The following ANKRD46 variants were observed in gnomAD, a reference collection of about 807,000 sequenced individuals.
The protein encoded by ANKRD46 is ankyrin repeat domain 46.
A neutral mutation model predicts 19.8 loss-of-function variants in ANKRD46; 13 were observed. The ratio of observed to expected loss-of-function variants is 0.66; its 90% CI spans 0.43 to 1.04. The LOEUF (loss-of-function observed/expected upper bound fraction) is 1.04, where lower values mean the gene tolerates loss of function less well. Ranked by LOEUF, ANKRD46 falls within the 50% of genes least tolerant of loss-of-function variation. The pLI, the probability that ANKRD46 is intolerant of heterozygous loss-of-function variation, is 0.00. For missense variants in ANKRD46, 185 were observed against 274.8 expected, an observed-to-expected ratio of 0.67 and a Z score of 2.31; for synonymous variants, 91 against 106.9, an observed-to-expected ratio of 0.85 and a Z score of 0.92.
At chr8:100,520,313 T>C (rs1811699967), downstream of ANKRD46, among the ~76,000 whole-genome samples, 1 of 152,124 alleles carries the variant, frequency 6.6e-6, no homozygotes, top group African/African-American at 2.4e-5. Context: ...TGGATAAATA[T>C]GGTTCCATTT....
At position 100,557,774 on chromosome 8, in the gene ANKRD46, C is replaced by T. The variant is rs1220050177; in HGVS notation, c.-131+1937G>A. 6.6e-6 allele frequency among the ~76,000 whole-genome samples: 1 copy of T among 152,216 alleles called. No homozygotes were observed. The highest frequency in any genetic ancestry group is 2.4e-5 in the African/African-American group (1 of 41,460). ...TTGCTTGGTATGCTCTTTCCCTAGA[C>T]AGCTGCATGGCGGTCCCCAACGCCT... On this transcript the variant is annotated intron_variant, in intron 1 of 4. Transcript: ENST00000335659. This position sits in a 1 kb window ranked among gnomAD's most constrained non-coding sequence, Gnocchi z 5.9.
rs896015562 is a variant in ANKRD46, at chr8:100,522,451, T to C, written c.*104A>G. 1.3e-6 allele frequency: 2 copies of C among 1,506,956 alleles called. No individual in the cohort carries two copies. The highest frequency in any genetic ancestry group is 4.4e-5 in the Admixed American group (2 of 44,958). 93.3% of individuals were successfully genotyped at this position (1,506,956 alleles called of 1,614,324 possible). Reference sequence around the variant, plus strand: ...TAATTAAAAATGCAAAAAGAACATGTACTGCCCTCACTGCTTTGCGCTAAG... The same window carrying C: ...TAATTAAAAATGCAAAAAGAACATGCACTGCCCTCACTGCTTTGCGCTAAG... On this transcript the variant is annotated 3_prime_UTR_variant, in exon 5 of 5. Transcript: ENST00000335659.
chr8:100,519,784 G>A (rs75917874), downstream of ANKRD46, among the ~76,000 whole-genome samples: 1 of 152,302 alleles, frequency 6.6e-6, no homozygotes, highest in South Asian at 2.1e-4. Flanking sequence ...TGTATAGTTC[G>A]TTCATGAAGC....
intron 1 of ANKRD46, among the ~76,000 whole-genome samples, chr8:100,552,084 A>G (rs538874518): frequency 7.0e-6 from 1 of 142,568 alleles, no homozygotes; most frequent in Non-Finnish European, 1.5e-5. Context: ...TGGGAGGTGG[A>G]GGTTGCAGTG....
rs1586790211 is a variant in ANKRD46 at position 100,534,956 on chromosome 8, G to A, written c.-130-1645C>T. ...TAATTTTTGTATTTTTAGTGGAGATGAGGTTTCACCATGTTGGCTAGGCAG... is the reference window on the plus strand; with the variant it reads ...TAATTTTTGTATTTTTAGTGGAGATAAGGTTTCACCATGTTGGCTAGGCAG... On this transcript the variant is annotated intron_variant, in intron 1 of 4. Coordinates refer to ENST00000335659, the MANE Select transcript of ANKRD46 (RefSeq NM_001270377.2). This position sits in a 1 kb window ranked among gnomAD's most constrained non-coding sequence, Gnocchi z 4.2. 6.6e-6 allele frequency among the ~76,000 whole-genome samples: 1 copy of A among 152,156 alleles called. No homozygotes were observed. Among genetic ancestry groups the A allele is most frequent in the Non-Finnish European group, 1.5e-5 (1 of 68,020 alleles).
At chr8:100,515,954 C>T (rs552860135), downstream of ANKRD46, among the ~76,000 whole-genome samples, 36 of 152,106 alleles carry the variant, frequency 2.4e-4, no homozygotes, top group Admixed American at 1.2e-3. Context: ...TCACTGCAAC[C>T]TCCACCTCCC....
In ANKRD46 at chr8:100,522,354, T is replaced by G; in HGVS notation, c.*201A>C. On this transcript the variant is annotated 3_prime_UTR_variant, in exon 5 of 5. Transcript: ENST00000335659. ...AGTCAGGTTGAGTCAGAGGTAGCGT[T>G]AGGATGCAATATACTTGATCATAGT... is the stretch of plus-strand genomic sequence containing the variant. The G allele has an allele frequency of 6.5e-6, 9 of 1,394,974 alleles. No homozygotes were observed. Among genetic ancestry groups the G allele is most frequent in the Non-Finnish European group, 8.4e-6 (9 of 1,076,002 alleles). 86.4% of individuals were successfully genotyped at this position (1,394,974 alleles called of 1,614,324 possible). A position where few individuals can be genotyped will look rare whatever the true frequency, so the allele number is the denominator to read the frequency against.
intron 1 of ANKRD46, among the ~76,000 whole-genome samples, chr8:100,533,562 G>A (rs1812005489): frequency 6.6e-6 from 1 of 152,110 alleles, no homozygotes; most frequent in Non-Finnish European, 1.5e-5. Flanking sequence ...AAAAGAATAA[G>A]AATCAAATTA....
At position 100,529,018 on chromosome 8, in the gene ANKRD46, A is replaced by G. The variant is rs1811902371; in HGVS notation, c.311+505T>C. On this transcript the variant is annotated intron_variant, in intron 3 of 4. Coordinates refer to ENST00000335659, the MANE Select transcript of ANKRD46 (RefSeq NM_001270377.2). The surrounding 1 kb of genome is among the most constrained non-coding windows in gnomAD (Gnocchi z 5.8). The stretch of plus-strand genomic sequence containing the variant: ...GCTCACATGGTGCGTTACATGACAG[A>G]AGGCACACAAGCGTTAGAGTCAGCG... Among the ~76,000 whole-genome samples, 1 of 152,192 alleles carries G rather than the reference A, an allele frequency of 6.6e-6. No individual in the cohort carries two copies. The highest frequency in any genetic ancestry group is 1.5e-5 in the Non-Finnish European group (1 of 68,026).
downstream of ANKRD46, among the ~76,000 whole-genome samples, chr8:100,517,881 G>A (rs572693576): frequency 2.2e-4 from 33 of 152,308 alleles, no homozygotes; most frequent in South Asian, 6.8e-3. Context: ...AAACTATTTG[G>A]AAAAGGTACA....
rs35402744 is a variant in ANKRD46, at chr8:100,552,381, CTT to C, written c.-131+7328_-131+7329del. 8.2e-3 allele frequency among the ~76,000 whole-genome samples: 1,143 copies of C among 140,194 alleles called. 17 individuals carry two copies. Among genetic ancestry groups the C allele is most frequent in the African/African-American group, 0.027 (1,056 of 38,602 alleles). The allele number at this position is 140,194 out of a possible 152,430, so 92.0% of individuals were successfully genotyped here. A position where few individuals can be genotyped will look rare whatever the true frequency, so the allele number is the denominator to read the frequency against. On this transcript the variant is annotated intron_variant, in intron 1 of 4. Coordinates refer to ENST00000335659, the MANE Select transcript of ANKRD46 (RefSeq NM_001270377.2). ...TTACTATTCTGACTATACTTTGGCG[CTT>C]TTTTTTTTTTAACATCAGTTATTGC... is the stretch of plus-strand genomic sequence containing the variant.
rs926547415 is a variant in ANKRD46 at position 100,534,363 on chromosome 8, G to C, written c.-130-1052C>G. Among the ~76,000 whole-genome samples, 3 of 152,178 alleles carry C rather than the reference G, an allele frequency of 2.0e-5. No homozygotes were observed. Among genetic ancestry groups the C allele is most frequent in the African/African-American group, 7.2e-5 (3 of 41,440 alleles). On this transcript the variant is annotated intron_variant, in intron 1 of 4. Transcript: ENST00000335659. This position sits in a 1 kb window ranked among gnomAD's most constrained non-coding sequence, Gnocchi z 4.2. ...CCACACGAGGGTCAGTAAATATCACGAAGACATGATAACACACAAAACATC... is the reference window on the plus strand; with the variant it reads ...CCACACGAGGGTCAGTAAATATCACCAAGACATGATAACACACAAAACATC...
At position 100,532,713 on chromosome 8, in the gene ANKRD46, GT is replaced by G. The variant is rs1265551671; in HGVS notation, c.-28+495del. Among the ~76,000 whole-genome samples, 2 of 152,110 alleles carry G rather than the reference GT, an allele frequency of 1.3e-5. No individual in the cohort carries two copies. Among genetic ancestry groups the G allele is most frequent in the Non-Finnish European group, 2.9e-5 (2 of 68,018 alleles). ...AAAATTGCAAAAAAAATCTCAGAAT[GT>G]TTTTTAAAAGTTTATGAATTTGTGT... On this transcript the variant is annotated intron_variant, in intron 2 of 4. Coordinates refer to ENST00000335659, the MANE Select transcript of ANKRD46 (RefSeq NM_001270377.2). The surrounding 1 kb of genome is among the most constrained non-coding windows in gnomAD (Gnocchi z 4.7).
chr8:100,530,361 A>T (rs533730896), intron 2 of ANKRD46, among the ~76,000 whole-genome samples: 1 of 151,172 alleles, frequency 6.6e-6, no homozygotes, highest in Non-Finnish European at 1.5e-5. Flanking sequence ...CTCAACAAAG[A>T]CCTGTAGAGT....
intron 1 of ANKRD46, among the ~76,000 whole-genome samples, chr8:100,533,692 A>G (rs926050874): frequency 2.6e-5 from 4 of 152,250 alleles, no homozygotes; most frequent in African/African-American, 9.6e-5. Context: ...AGTCCACAAA[A>G]GCATTTTTAT....
rs1812001414 is a variant in ANKRD46 at position 100,533,288 on chromosome 8, A to G, written c.-107T>C. ...ATTCTCAAGAAGGTTCAACAAAAAT[A>G]TTCTGTAATGTGCTGGCAAGGATCT... On this transcript the variant is annotated 5_prime_UTR_variant, in exon 2 of 5. Transcript: ENST00000335659. The G allele has an allele frequency of 6.6e-6, 1 of 152,262 alleles. No individual in the cohort carries two copies. Among genetic ancestry groups the G allele is most frequent in the African/African-American group, 2.4e-5 (1 of 41,470 alleles). 9.4% of individuals were successfully genotyped at this position (152,262 alleles called of 1,614,324 possible).
In ANKRD46 at chr8:100,537,955, G is replaced by A. The variant is rs984354398; in HGVS notation, c.-130-4644C>T. Among the ~76,000 whole-genome samples the A allele has an allele frequency of 2.0e-5, 3 of 152,118 alleles. No individual in the cohort carries two copies. The highest frequency in any genetic ancestry group is 7.2e-5 in the African/African-American group (3 of 41,416). Reference sequence around the variant, plus strand: ...TGCTGTAAGTTGTCAAGATAACCAGGAGAAAACAGTTCATGTAAAACTTTG... The same window carrying A: ...TGCTGTAAGTTGTCAAGATAACCAGAAGAAAACAGTTCATGTAAAACTTTG... On this transcript the variant is annotated intron_variant, in intron 1 of 4. Transcript: ENST00000335659. This position sits in a 1 kb window ranked among gnomAD's most constrained non-coding sequence, Gnocchi z 4.2.
At chr8:100,531,839 C>A (rs1335074101) in intron 2 of ANKRD46, among the ~76,000 whole-genome samples, 1 of 152,132 alleles carries the variant, frequency 6.6e-6, no homozygotes, top group East Asian at 1.9e-4. Flanking sequence ...ATGGCACAGT[C>A]TTATTAGTCT....
chr8:100,512,699 T>C (rs1388319320), intron 5 of ANKRD46, among the ~76,000 whole-genome samples: 1 of 152,216 alleles, frequency 6.6e-6, no homozygotes, highest in African/African-American at 2.4e-5. Context: ...TGACTCTTAG[T>C]TCTGAGAGTA....
Sources: gnomAD v4.1 joint callset for allele counts (sites outside exome capture counted in the v4.1 genomes callset) on GRCh38, gnomAD v4.1.1 for gene constraint, Gnocchi (gnomAD v3.1) non-coding constraint, MANE v1.5 for transcripts, NCBI Gene and HGNC (gene_info 2026-07-23, HGNC 2026-07-21) for gene names.